CA10: variants seen among roughly 807,000 people sequenced by gnomAD.
CA10 encodes carbonic anhydrase-related protein 10.
A neutral mutation model predicts 44.2 loss-of-function variants in CA10; 14 were observed. The observed-to-expected ratio is 0.32, with a 90% CI of 0.21 to 0.50. CA10 has a LOEUF of 0.50. Among genes scored for constraint, CA10 ranks in the 20% least tolerant of loss-of-function variants. CA10 has a pLI of 0.99. For synonymous variants in CA10, 159 were observed against 141.6 expected, an observed-to-expected ratio of 1.12 and a Z score of -0.87; for missense variants, 350 against 409.7, an observed-to-expected ratio of 0.85 and a Z score of 1.26.
rs150090091 is a variant in CA10 at position 51,708,298 on chromosome 17, A to G, written c.465+39335T>C. Among the ~76,000 whole-genome samples the G allele has an allele frequency of 8.5e-5, 13 of 152,332 alleles. No homozygotes were observed. The East Asian group carries it at 2.5e-3, about 29-fold the overall frequency. ...GCATTGGCTTGCTGCTCTGATGGCC[A>G]TGCTGATGGGACACAGGGAAGGAGA... On this transcript the variant is annotated intron_variant, in intron 4 of 8. Transcript: ENST00000451037.
chr17:51,649,169 GAACCA>G lies in CA10; in HGVS notation c.634+8_634+12del. 6.2e-7 allele frequency: 1 copy of G among 1,600,850 alleles called. No homozygotes were observed. Among genetic ancestry groups the G allele is most frequent in the Non-Finnish European group, 8.6e-7 (1 of 1,168,070 alleles). ...TAGAATAGTTGCTGTGGAGGAAATT[GAACCA>G]AACTTACTTTTATATGTTATTCTTG... On this transcript the variant is annotated splice_region_variant and intron_variant, in intron 6 of 8. Coordinates refer to ENST00000451037, the MANE Select transcript of CA10 (RefSeq NM_020178.5).
intron 6 of CA10, 74 bp from the exon 7 acceptor site, chr17:51,636,083 TAC>T (rs1385792479): frequency 9.2e-6 from 7 of 763,386 alleles, no homozygotes; most frequent in South Asian, 6.7e-5. Flanking sequence ...CATACATACA[TAC>T]ATACATATAC....
Position 51,729,591 on chromosome 17 carries a change from T to C in CA10, c.465+18042A>G, listed in dbSNP as rs909157823. On this transcript the variant is annotated intron_variant, in intron 4 of 8. Transcript: ENST00000451037. Reference sequence around the variant, plus strand: ...TTTTCTGACAGTTATCACTGCCAAGTTGACAAGCAATCAATTCCTTTGCTC... The same window carrying C: ...TTTTCTGACAGTTATCACTGCCAAGCTGACAAGCAATCAATTCCTTTGCTC... Among the ~76,000 whole-genome samples the C allele has an allele frequency of 4.6e-5, 7 of 152,204 alleles. No homozygotes were observed. The East Asian group carries it at 1.4e-3, about 29-fold the overall frequency.
intron 4 of CA10, among the ~76,000 whole-genome samples, chr17:51,704,259 C>A (rs1915692192): frequency 6.6e-6 from 1 of 152,162 alleles, no homozygotes; most frequent in South Asian, 2.1e-4. Flanking sequence ...GCTACTCCCA[C>A]CAAACACTGG....
chr17:51,665,212 TA>T (rs1201535094), intron 4 of CA10, among the ~76,000 whole-genome samples: 1 of 152,188 alleles, frequency 6.6e-6, no homozygotes, highest in African/African-American at 2.4e-5. Context: ...ATTAATTGCA[TA>T]AAGTATGATA....
chr17:51,663,125 T>C (rs1334390522), intron 4 of CA10, among the ~76,000 whole-genome samples: 2 of 152,148 alleles, frequency 1.3e-5, no homozygotes, highest in Non-Finnish European at 2.9e-5. Context: ...TTTCAGGAAC[T>C]TGGCAGGGTA....
intron 2 of CA10, among the ~76,000 whole-genome samples, chr17:52,015,469 T>C (rs1985939244): frequency 2.6e-5 from 4 of 152,066 alleles, no homozygotes; most frequent in African/African-American, 9.7e-5. Context: ...ACACTGAAAA[T>C]ATGAACAAAT....
At chr17:52,100,615 C>T (rs768564703) in intron 1 of CA10, among the ~76,000 whole-genome samples, 8 of 152,160 alleles carry the variant, frequency 5.3e-5, no homozygotes, top group East Asian at 1.9e-4. Flanking sequence ...CTTAAAATTA[C>T]GGAACTACGT....
intron 2 of CA10, among the ~76,000 whole-genome samples, chr17:52,053,911 TC>T (rs1987150825): frequency 6.6e-6 from 1 of 152,068 alleles, no homozygotes; most frequent in South Asian, 2.1e-4. Context: ...CCTATGCCTG[TC>T]TTTAATCTCT....
intron 3 of CA10, among the ~76,000 whole-genome samples, chr17:51,880,973 C>T (rs1026454429): frequency 2.0e-5 from 3 of 151,870 alleles, no homozygotes; most frequent in African/African-American, 7.2e-5. Context: ...GCGGGTGGCT[C>T]ACGCCTGTAA....
intron 3 of CA10, among the ~76,000 whole-genome samples, chr17:51,845,775 T>C (rs1978467819): frequency 6.6e-6 from 1 of 152,228 alleles, no homozygotes; most frequent in Admixed American, 6.5e-5. Context: ...CTCTGTCATA[T>C]AGGCCCATCA....
chr17:52,076,800 G>T (rs368698696), intron 1 of CA10, among the ~76,000 whole-genome samples: 5 of 152,158 alleles, frequency 3.3e-5, no homozygotes, highest in Non-Finnish European at 5.9e-5. Flanking sequence ...TAGTCATCTT[G>T]TTGTTGTTTA....
intron 4 of CA10, among the ~76,000 whole-genome samples, chr17:51,700,408 G>A (rs773039972): frequency 2.6e-5 from 4 of 152,120 alleles, no homozygotes; most frequent in African/African-American, 4.8e-5. Context: ...GGTTTTGTCC[G>A]ACATCTTCTC....
chr17:51,859,500 C>A (rs1979206008), intron 3 of CA10, among the ~76,000 whole-genome samples: 1 of 152,100 alleles, frequency 6.6e-6, no homozygotes, highest in Non-Finnish European at 1.5e-5. Context: ...TTGAAATCAC[C>A]TTGGGATACC....
chr17:51,773,685 T>C (rs1185623856), intron 3 of CA10, among the ~76,000 whole-genome samples: 2 of 152,258 alleles, frequency 1.3e-5, no homozygotes, highest in Non-Finnish European at 2.9e-5. Flanking sequence ...TGTCATGTGC[T>C]TCAGCACAGT....
chr17:52,008,883 G>C (rs1232877911), intron 2 of CA10, among the ~76,000 whole-genome samples: 2 of 151,840 alleles, frequency 1.3e-5, no homozygotes, highest in African/African-American at 2.4e-5. Context: ...TTTGTTTAAG[G>C]TTTCACCTTT....
chr17:52,151,889 G>T (rs1024690190), intron 1 of CA10, among the ~76,000 whole-genome samples: 1 of 152,054 alleles, frequency 6.6e-6, no homozygotes, highest in Non-Finnish European at 1.5e-5. Context: ...GAATTCACAC[G>T]TCTGCCTATC....
At chr17:52,049,140 C>G (rs978553593) in intron 2 of CA10, among the ~76,000 whole-genome samples, 2 of 152,040 alleles carry the variant, frequency 1.3e-5, no homozygotes, top group African/African-American at 4.8e-5. Context: ...GAAGGCTAAA[C>G]AGGAGCAGAA....
chr17:52,052,152 G>A (rs1383314193), intron 2 of CA10, among the ~76,000 whole-genome samples: 1 of 151,808 alleles, frequency 6.6e-6, no homozygotes, highest in Non-Finnish European at 1.5e-5. Context: ...GGGGAAGGGA[G>A]GAGGGATCAG....
Sources: gnomAD v4.1 joint callset for allele counts (sites outside exome capture counted in the v4.1 genomes callset) on GRCh38, gnomAD v4.1.1 for gene constraint, MANE v1.5 for transcripts, NCBI Gene and HGNC (gene_info 2026-07-23, HGNC 2026-07-21) for gene names.